Variants in B4GALNT2 observed in about 807,000 individuals in gnomAD.
B4GALNT2 encodes beta-1,4-N-acetyl-galactosaminyltransferase 2 (SID blood group), also known as N-acetylneuraminylgalactosylglucosyl-glucoside beta-1,4-N- acetylgalactosaminyltransferase 2.
In B4GALNT2, 42 loss-of-function variants were observed where a neutral mutation model predicts 51.1. The ratio of observed to expected loss-of-function variants is 0.82; its 90% CI spans 0.64 to 1.06. The LOEUF (loss-of-function observed/expected upper bound fraction) is 1.06, where lower values mean the gene tolerates loss of function less well. Among genes scored for constraint, B4GALNT2 ranks in the 50% least tolerant of loss-of-function variants. B4GALNT2 has a pLI of 0.00. For missense variants in B4GALNT2, 602 were observed against 633.6 expected, an observed-to-expected ratio of 0.95 and a Z score of 0.54; for synonymous variants, 253 against 251.7, an observed-to-expected ratio of 1.01 and a Z score of -0.05.
chr17:49,137,051 T>C (rs1275504616), intron 1 of B4GALNT2, among the ~76,000 whole-genome samples: 1 of 151,256 alleles, frequency 6.6e-6, no homozygotes, highest in Non-Finnish European at 1.5e-5. Context: ...CTCAGTTCAT[T>C]ACCAGAAACC....
chr17:49,126,812 A>G, the B4GALNT2 span, among the ~76,000 whole-genome samples: 2 of 151,902 alleles, frequency 1.3e-5, no homozygotes, highest in Admixed American at 1.3e-4. Context: ...TTCTCAAGCT[A>G]CTCAACCTCC....
Position 49,169,847 on chromosome 17 carries a change from A to G in B4GALNT2, c.*119A>G. ...CCAAACCAGCTGGTGGGTAGGGAAA[A>G]GGGAAATGGCTCAGTTACTGGAAGT... is the stretch of plus-strand genomic sequence containing the variant. On this transcript the variant is annotated 3_prime_UTR_variant, in exon 11 of 11. Coordinates refer to ENST00000393354, the MANE Select transcript of B4GALNT2 (RefSeq NM_001159387.2). 1.0e-6 allele frequency: 1 copy of G among 1,000,750 alleles called. No individual in the cohort carries two copies. Among genetic ancestry groups the G allele is most frequent in the Non-Finnish European group, 1.4e-6 (1 of 711,092 alleles). The allele number at this position is 1,000,750 out of a possible 1,614,324, so 62.0% of individuals were successfully genotyped here. A position where few individuals can be genotyped will look rare whatever the true frequency, so the allele number is the denominator to read the frequency against.
intron 5 of B4GALNT2, among the ~76,000 whole-genome samples, chr17:49,157,007 T>C (rs571229553): frequency 6.6e-6 from 1 of 152,334 alleles, no homozygotes; most frequent in South Asian, 2.1e-4. Context: ...ATCAGTGGGA[T>C]GCAAATTGTG....
chr17:49,154,113 C>A (rs1431560873), intron 4 of B4GALNT2, among the ~76,000 whole-genome samples: 1 of 151,916 alleles, frequency 6.6e-6, no homozygotes, highest in Admixed American at 6.6e-5. Context: ...AAGCCATTCT[C>A]CTGCCTCAGC....
In B4GALNT2 at chr17:49,169,955, T is replaced by A. The variant is rs758921563; in HGVS notation, c.*227T>A. The A allele has an allele frequency of 2.4e-6, 1 of 420,874 alleles. No individual in the cohort carries two copies. 26.1% of individuals were successfully genotyped at this position (420,874 alleles called of 1,614,324 possible). On this transcript the variant is annotated 3_prime_UTR_variant, in exon 11 of 11. Coordinates refer to ENST00000393354, the MANE Select transcript of B4GALNT2 (RefSeq NM_001159387.2). ...GACTGTATTAATAGCAATGATGATT[T>A]GTACAATGCCCTGCCTTTTTTGAAG... is the stretch of plus-strand genomic sequence containing the variant.
the B4GALNT2 span, among the ~76,000 whole-genome samples, chr17:49,123,300 A>C: frequency 2.0e-5 from 3 of 152,232 alleles, no homozygotes; most frequent in African/African-American, 7.2e-5. Flanking sequence ...GGAGGCTTAT[A>C]GGCAGCACCT....
chr17:49,142,976 C>T (rs1247735471), intron 3 of B4GALNT2, among the ~76,000 whole-genome samples: 4 of 152,168 alleles, frequency 2.6e-5, no homozygotes, highest in Middle Eastern at 3.4e-3. Context: ...TGGCTGGGCG[C>T]GGTGGCTCAC....
At chr17:49,128,738 T>A (rs555525910), upstream of B4GALNT2, among the ~76,000 whole-genome samples, 9 of 152,344 alleles carry the variant, frequency 5.9e-5, no homozygotes, top group East Asian at 5.8e-4. Flanking sequence ...GGCCAGGCCA[T>A]GTTGCAATAA....
intron 10 of B4GALNT2, among the ~76,000 whole-genome samples, chr17:49,169,253 G>A (rs2042939427): frequency 6.6e-6 from 1 of 151,994 alleles, no homozygotes; most frequent in Non-Finnish European, 1.5e-5. Flanking sequence ...ATCAGCCCTG[G>A]AGTCCGCAGT....
chr17:49,133,296 C>T (rs756624324), intron 1 of B4GALNT2: 17 of 1,404,802 alleles, frequency 1.2e-5, no homozygotes, highest in Non-Finnish European at 1.5e-5. Context: ...CCTCCACAGT[C>T]CGCGCGGAGT....
At position 49,174,243 on chromosome 17, in the gene B4GALNT2, C is replaced by T. The variant is rs1039820683; in HGVS notation, c.*4515C>T. On this transcript the variant is annotated 3_prime_UTR_variant, in exon 11 of 11. Coordinates refer to ENST00000393354, the MANE Select transcript of B4GALNT2 (RefSeq NM_001159387.2). Reference sequence around the variant, plus strand: ...TGGGGGGCAGCACAAAGTATATCGTCCATATAATGAATAATGTAACACTGT... The same window carrying T: ...TGGGGGGCAGCACAAAGTATATCGTTCATATAATGAATAATGTAACACTGT... The T allele has an allele frequency of 1.3e-5, 2 of 152,048 alleles. No individual in the cohort carries two copies. The highest frequency in any genetic ancestry group is 4.8e-5 in the African/African-American group (2 of 41,416). The allele number at this position is 152,048 out of a possible 1,614,324, so 9.4% of individuals were successfully genotyped here.
chr17:49,134,628 C>T (rs1243259735), intron 1 of B4GALNT2, among the ~76,000 whole-genome samples: 3 of 152,128 alleles, frequency 2.0e-5, no homozygotes, highest in Non-Finnish European at 2.9e-5. Context: ...AGCTCTGTGG[C>T]CCAGGCTGGA....
At chr17:49,145,060 C>T (rs972750110) in intron 3 of B4GALNT2, among the ~76,000 whole-genome samples, 2 of 152,098 alleles carry the variant, frequency 1.3e-5, no homozygotes, top group Admixed American at 6.6e-5. Context: ...TCTGCCTTCC[C>T]CAGCCCACTG....
upstream of B4GALNT2, among the ~76,000 whole-genome samples, chr17:49,129,659 T>C (rs1352889575): frequency 6.6e-6 from 1 of 151,812 alleles, no homozygotes; most frequent in Non-Finnish European, 1.5e-5. Context: ...ACTAGGAGTA[T>C]TTATTGGTTT....
upstream of B4GALNT2, chr17:49,132,399 G>A: frequency 4.6e-6 from 1 of 216,992 alleles, no homozygotes; most frequent in Non-Finnish European, 9.1e-6. Context: ...TGGTGAAGTG[G>A]AGGGTGGAGG....
At chr17:49,136,546 ATTTATTTAT>A (rs2042592019) in intron 1 of B4GALNT2, among the ~76,000 whole-genome samples, 1 of 150,798 alleles carries the variant, frequency 6.6e-6, no homozygotes, top group African/African-American at 2.4e-5. Flanking sequence ...TTATTTATTT[ATTTATTTAT>A]TTATTTTTGA....
upstream of B4GALNT2, chr17:49,132,410 TGG>T (rs2042547225): frequency 4.3e-6 from 1 of 230,374 alleles, no homozygotes; most frequent in Non-Finnish European, 8.4e-6. Context: ...AGGGTGGAGG[TGG>T]GACCAAGGCC....
intron 9 of B4GALNT2, 110 bp from the exon 10 acceptor site, chr17:49,168,571 G>T (rs1057269088): frequency 3.7e-6 from 4 of 1,083,766 alleles, no homozygotes; most frequent in Non-Finnish European, 2.7e-6. Context: ...GATAGACAGA[G>T]AAATAACAAT....
At chr17:49,134,198 A>G (rs12449904) in intron 1 of B4GALNT2, among the ~76,000 whole-genome samples, 78,626 of 152,044 alleles carry the variant, frequency 0.52, 20,527 homozygotes, top group East Asian at 0.55. Context: ...GGAATCATGC[A>G]TAAAAGGTCT....
Sources: allele counts gnomAD v4.1 joint callset (sites outside exome capture counted in the v4.1 genomes callset), GRCh38; gene constraint gnomAD v4.1.1; transcripts MANE v1.5; gene names NCBI Gene and HGNC (gene_info 2026-07-23, HGNC 2026-07-21).